LHX4: variants seen among roughly 807,000 people sequenced by gnomAD.
LHX4 encodes LIM/homeobox protein Lhx4.
Under a neutral mutation model 39.2 loss-of-function variants are expected in LHX4, and 16 were observed. The ratio of observed to expected loss-of-function variants is 0.41; its 90% CI spans 0.28 to 0.62. The LOEUF (loss-of-function observed/expected upper bound fraction) is 0.62. LHX4 is among the 20% of genes least tolerant of loss of function. The pLI, the probability that LHX4 is intolerant of heterozygous loss-of-function variation, is 0.33. For synonymous variants in LHX4, 206 were observed against 198.1 expected, an observed-to-expected ratio of 1.04 and a Z score of -0.33; for missense variants, 439 against 511.9, an observed-to-expected ratio of 0.86 and a Z score of 1.37.
At chr1:180,239,053 C>G (rs1664391352) in intron 1 of LHX4, among the ~76,000 whole-genome samples, 1 of 152,190 alleles carries the variant, frequency 6.6e-6, no homozygotes, top group Admixed American at 6.5e-5. Context: ...AAATATTTAT[C>G]CAGTAATAGA....
Position 180,271,499 on chromosome 1 carries a change from T to A in LHX4, c.571T>A (p.Ser191Thr). ...KPARHVREQLSSETGLDMRVV... is the reference protein window; with the variant it reads ...KPARHVREQLTSETGLDMRVV... ...TGCCCGGCACGTGAGGGAGCAGCTG[T>A]CCTCAGAGACAGGCCTGGACATGAG... Residue 191 changes from serine (S) to threonine (T), a missense_variant, in exon 4 of 6, where the codon TCC becomes ACC. Coordinates refer to ENST00000263726, the MANE Select transcript of LHX4 (RefSeq NM_033343.4). 6.2e-7 allele frequency: 1 copy of A among 1,614,070 alleles called. No individual in the cohort carries two copies. Among genetic ancestry groups the A allele is most frequent in the Non-Finnish European group, 8.5e-7 (1 of 1,179,996 alleles).
At chr1:180,254,503 C>T (rs1393202763) in intron 2 of LHX4, among the ~76,000 whole-genome samples, 3 of 152,346 alleles carry the variant, frequency 2.0e-5, no homozygotes, top group South Asian at 2.1e-4. Context: ...TCCAGAACAG[C>T]GCATTTCTGC....
rs144633989 is a variant in LHX4 at position 180,254,961 on chromosome 1, C to G, written c.248+6505C>G. Among the ~76,000 whole-genome samples, 1,144 of 152,282 alleles carry G rather than the reference C, an allele frequency of 7.5e-3. 4 individuals carry two copies. Among genetic ancestry groups the G allele is most frequent in the Non-Finnish European group, 9.6e-3 (653 of 67,996 alleles). On this transcript the variant is annotated intron_variant, in intron 2 of 5. Transcript: ENST00000263726. ...AAGGACGGGGTCCTGGGGTTGCTGG[C>G]CAGGCTGTGTCAGTGGTAGTGGTGG...
In LHX4 at chr1:180,266,252, C is replaced by CTT; in HGVS notation, c.249-140_249-139insTT. The CTT allele has an allele frequency of 1.3e-6, 1 of 783,390 alleles. No homozygotes were observed. The highest frequency in any genetic ancestry group is 2.2e-6 in the Non-Finnish European group (1 of 455,970). The allele number at this position is 783,390 out of a possible 1,614,324, so 48.5% of individuals were successfully genotyped here. On this transcript the variant is annotated intron_variant, in intron 2 of 5. Transcript: ENST00000263726. The surrounding 1 kb of genome is among the most constrained non-coding windows in gnomAD (Gnocchi z 5.7). ...CTAGATGGAGGCAGAGAGGACCAGACGGTAAGCTCTGGGTGACTGGGGGGT... is the reference window on the plus strand; with the variant it reads ...CTAGATGGAGGCAGAGAGGACCAGACTTGGTAAGCTCTGGGTGACTGGGGGGT...
chr1:180,252,791 T>C (rs562256754), intron 2 of LHX4, among the ~76,000 whole-genome samples: 1 of 152,284 alleles, frequency 6.6e-6, no homozygotes, highest in African/African-American at 2.4e-5. Context: ...CAGGGGCATG[T>C]GGCGATCCTG....
chr1:180,257,795 A>G (rs357061), intron 2 of LHX4, among the ~76,000 whole-genome samples: 72,066 of 152,026 alleles, frequency 0.47, 17,804 homozygotes, highest in African/African-American at 0.63. Flanking sequence ...AGCTCCACGC[A>G]CAGGAGGCTG....
chr1:180,258,221 A>T (rs956030148), intron 2 of LHX4, among the ~76,000 whole-genome samples: 1 of 152,000 alleles, frequency 6.6e-6, no homozygotes, highest in Non-Finnish European at 1.5e-5. Context: ...GCTGAGGGGG[A>T]GGGGTCCAGG....
At chr1:180,260,968 C>A (rs1353287283) in intron 2 of LHX4, among the ~76,000 whole-genome samples, 1 of 151,936 alleles carries the variant, frequency 6.6e-6, no homozygotes. Flanking sequence ...TGTCACAGTA[C>A]CCACCTTTCA....
intron 3 of LHX4, chr1:180,269,717 C>T (rs1176815756): frequency 6.6e-6 from 1 of 152,218 alleles, no homozygotes; most frequent in Non-Finnish European, 1.5e-5. Flanking sequence ...CACTATTTCC[C>T]ATTTGCATAA....
At chr1:180,271,583 A>T in intron 4 of LHX4, 49 bp downstream of exon 4, 2 of 1,604,172 alleles carry the variant, frequency 1.2e-6, no homozygotes, top group South Asian at 1.1e-5. Context: ...GGCCCGGGAC[A>T]GGGGTGGAAG....
At chr1:180,256,013 T>A in intron 2 of LHX4, among the ~76,000 whole-genome samples, 1 of 152,222 alleles carries the variant, frequency 6.6e-6, no homozygotes, top group East Asian at 1.9e-4. Flanking sequence ...GGCACCTGCC[T>A]TCCCTCCGTT....
intron 2 of LHX4, among the ~76,000 whole-genome samples, chr1:180,255,953 G>A (rs2149259369): frequency 6.6e-6 from 1 of 152,336 alleles, no homozygotes; most frequent in Non-Finnish European, 1.5e-5. Flanking sequence ...ACATGGGAGT[G>A]GAAGCTGTGG....
At chr1:180,243,405 T>G (rs1571261358) in intron 1 of LHX4, among the ~76,000 whole-genome samples, 1 of 152,210 alleles carries the variant, frequency 6.6e-6, no homozygotes, top group African/African-American at 2.4e-5. Flanking sequence ...CACCAGAACT[T>G]TATTCCTGGT....
chr1:180,243,326 C>T (rs1647247423), intron 1 of LHX4, among the ~76,000 whole-genome samples: 1 of 151,836 alleles, frequency 6.6e-6, no homozygotes, highest in South Asian at 2.1e-4. Flanking sequence ...CCTCCTCTGC[C>T]CTGCAAGAGG....
intron 2 of LHX4, among the ~76,000 whole-genome samples, chr1:180,265,377 G>A (rs536239034): frequency 3.9e-5 from 6 of 152,276 alleles, no homozygotes; most frequent in East Asian, 3.9e-4. Flanking sequence ...CTGCAGCCAC[G>A]CACCCTCCTT....
At chr1:180,259,922 G>C (rs1356875035) in intron 2 of LHX4, among the ~76,000 whole-genome samples, 1 of 151,474 alleles carries the variant, frequency 6.6e-6, no homozygotes, top group Non-Finnish European at 1.5e-5. Context: ...GCAGTTGCTG[G>C]TAACAACAAG....
chr1:180,248,656 C>T lies in LHX4; in HGVS notation c.248+200C>T, dbSNP rs3911334. ...GGCCCATCACTGCCAGAGGTTCAGC[C>T]TCTAGACCTCATTTGATCTCTGCAT... On this transcript the variant is annotated intron_variant, in intron 2 of 5. Transcript: ENST00000263726. 116,966 of 659,476 alleles carry T rather than the reference C, an allele frequency of 0.18. 11,154 individuals carry two copies. Among genetic ancestry groups the T allele is most frequent in the African/African-American group, 0.2 (11,464 of 56,552 alleles). The allele number at this position is 659,476 out of a possible 1,614,324, so 40.9% of individuals were successfully genotyped here.
chr1:180,256,521 G>A (rs1350544761), intron 2 of LHX4, among the ~76,000 whole-genome samples: 2 of 152,220 alleles, frequency 1.3e-5, no homozygotes, highest in South Asian at 2.1e-4. Flanking sequence ...TCCTGCGGGT[G>A]TCTGCCATGC....
intron 2 of LHX4, among the ~76,000 whole-genome samples, chr1:180,250,316 C>T (rs762231286): frequency 7.6e-6 from 1 of 131,796 alleles, no homozygotes; most frequent in Non-Finnish European, 1.6e-5. Flanking sequence ...AGTGAATTTC[C>T]CTGTGTTTGT....
Sources: allele counts gnomAD v4.1 joint callset (sites outside exome capture counted in the v4.1 genomes callset), GRCh38; gene constraint gnomAD v4.1.1; non-coding constraint Gnocchi (gnomAD v3.1); transcripts MANE v1.5; gene names NCBI Gene and HGNC (gene_info 2026-07-23, HGNC 2026-07-21).